NRXN1: variants seen among roughly 807,000 people sequenced by gnomAD.
NRXN1 encodes neurexin 1.
Under a neutral mutation model 150.9 loss-of-function variants are expected in NRXN1, and 39 were observed. The observed-to-expected ratio is 0.26, with a 90% confidence interval of 0.20 to 0.34. The LOEUF (loss-of-function observed/expected upper bound fraction) is 0.34, where lower values mean the gene tolerates loss of function less well. Among genes scored for constraint, NRXN1 ranks in the 10% least tolerant of loss-of-function variants. The probability of loss-of-function intolerance (pLI) is 1.00; values close to 1 mark genes in which losing one functional copy is unlikely to be tolerated. For missense variants in NRXN1, 1,815 were observed against 1,949.9 expected, an observed-to-expected ratio of 0.93 and a Z score of 1.30; for synonymous variants, 924 against 757.0, an observed-to-expected ratio of 1.22 and a Z score of -3.62.
chr2:50,044,712 T>C (rs1691536717), intron 21 of NRXN1, among the ~76,000 whole-genome samples: 1 of 152,200 alleles, frequency 6.6e-6, no homozygotes, highest in South Asian at 2.1e-4. Flanking sequence ...TCACTAGTAA[T>C]CTAAGGTGTG....
chr2:50,572,906 T>A (rs887805176), intron 8 of NRXN1, among the ~76,000 whole-genome samples: 1 of 152,204 alleles, frequency 6.6e-6, no homozygotes, highest in Admixed American at 6.5e-5. Flanking sequence ...ATTGTGTGAA[T>A]TTGAGCAAGT....
At chr2:50,813,351 C>T (rs1250693077) in intron 5 of NRXN1, among the ~76,000 whole-genome samples, 1 of 151,944 alleles carries the variant, frequency 6.6e-6, no homozygotes, top group Non-Finnish European at 1.5e-5. Flanking sequence ...AATTCTTTAT[C>T]TTTACTTTTG....
intron 11 of NRXN1, among the ~76,000 whole-genome samples, chr2:50,529,163 T>C (rs2093034906): frequency 6.6e-6 from 1 of 152,212 alleles, no homozygotes; most frequent in Non-Finnish European, 1.5e-5. Context: ...GGGTTTTTGT[T>C]TTGTTTTTAA....
At chr2:50,392,750 G>A (rs1458646647) in intron 17 of NRXN1, among the ~76,000 whole-genome samples, 5 of 152,170 alleles carry the variant, frequency 3.3e-5, no homozygotes, top group Middle Eastern at 3.4e-3. Flanking sequence ...ACGTAGTAGA[G>A]AAAAGTTTTC....
intron 17 of NRXN1, among the ~76,000 whole-genome samples, chr2:50,380,654 A>G (rs563503036): frequency 4.8e-4 from 73 of 152,256 alleles, no homozygotes; most frequent in African/African-American, 1.7e-3. Context: ...CAAAGAAGAC[A>G]GCACGTGCCC....
chr2:50,371,370 G>C (rs1453059072), intron 17 of NRXN1, among the ~76,000 whole-genome samples: 1 of 152,010 alleles, frequency 6.6e-6, no homozygotes, highest in Non-Finnish European at 1.5e-5. Flanking sequence ...TCAATGTTGA[G>C]AAAACCCTTG....
chr2:50,256,407 C>T (rs2067706736), intron 17 of NRXN1, among the ~76,000 whole-genome samples: 2 of 152,112 alleles, frequency 1.3e-5, no homozygotes, highest in African/African-American at 2.4e-5. Flanking sequence ...ATATATCAGA[C>T]ATTTAAAGAC....
chr2:50,834,456 AATAACT>A (rs1342229365), intron 5 of NRXN1, among the ~76,000 whole-genome samples: 1 of 152,202 alleles, frequency 6.6e-6, no homozygotes, highest in Non-Finnish European at 1.5e-5. Flanking sequence ...GGAGGAAAAC[AATAACT>A]ATAACAAAAT....
At chr2:50,919,155 G>A (rs1685634540) in intron 5 of NRXN1, 1 of 151,692 alleles carries the variant, frequency 6.6e-6, no homozygotes. Flanking sequence ...CACAGCAGTG[G>A]TCTCTAACAT....
At chr2:50,126,470 T>C (rs1157432730) in intron 18 of NRXN1, among the ~76,000 whole-genome samples, 1 of 151,380 alleles carries the variant, frequency 6.6e-6, no homozygotes, top group Non-Finnish European at 1.5e-5. Context: ...ATAACTGATA[T>C]AGTCATCATA....
At chr2:50,211,659 A>G (rs1481465876) in intron 18 of NRXN1, among the ~76,000 whole-genome samples, 1 of 151,508 alleles carries the variant, frequency 6.6e-6, no homozygotes, top group Non-Finnish European at 1.5e-5. Flanking sequence ...ACTAAATACT[A>G]AGGAAATATC....
At chr2:50,365,778 A>C (rs2079539982) in intron 17 of NRXN1, among the ~76,000 whole-genome samples, 1 of 152,072 alleles carries the variant, frequency 6.6e-6, no homozygotes, top group Non-Finnish European at 1.5e-5. Context: ...CTATATAGAC[A>C]GTAAGAACAA....
intron 17 of NRXN1, among the ~76,000 whole-genome samples, chr2:50,342,383 G>A (rs1213712245): frequency 6.6e-6 from 1 of 152,214 alleles, no homozygotes; most frequent in Non-Finnish European, 1.5e-5. Context: ...GTCTGTTTCA[G>A]CAGAACAGTC....
chr2:50,725,525 CA>C (rs1281388881), intron 5 of NRXN1, among the ~76,000 whole-genome samples: 1 of 152,118 alleles, frequency 6.6e-6, no homozygotes, highest in Non-Finnish European at 1.5e-5. Context: ...AAGAGATCCA[CA>C]AATCCTTTCC....
chr2:50,327,926 G>C (rs2076498140), intron 17 of NRXN1, among the ~76,000 whole-genome samples: 1 of 152,184 alleles, frequency 6.6e-6, no homozygotes, highest in Non-Finnish European at 1.5e-5. Flanking sequence ...TGGGATTACA[G>C]GTGTGAGCCA....
At chr2:49,936,325 C>T (rs1671020656) in intron 22 of NRXN1, among the ~76,000 whole-genome samples, 4 of 152,120 alleles carry the variant, frequency 2.6e-5, no homozygotes, top group Admixed American at 2.6e-4. Context: ...ATGCATAATG[C>T]CTTATGAGCG....
intron 21 of NRXN1, among the ~76,000 whole-genome samples, chr2:50,036,537 G>T (rs1279222383): frequency 6.6e-6 from 1 of 152,056 alleles, no homozygotes; most frequent in Non-Finnish European, 1.5e-5. Context: ...TTAGCTGTTT[G>T]TTTGACTTTT....
At chr2:50,429,575 TA>T (rs11355930) in intron 17 of NRXN1, among the ~76,000 whole-genome samples, 27,308 of 152,172 alleles carry the variant, frequency 0.18, 3,254 homozygotes, top group East Asian at 0.52. Flanking sequence ...CTCAAAATTT[TA>T]ATTTTGAAGA....
chr2:50,308,201 C>A (rs1575024198), intron 17 of NRXN1, among the ~76,000 whole-genome samples: 1 of 152,172 alleles, frequency 6.6e-6, no homozygotes, highest in Non-Finnish European at 1.5e-5. Context: ...TACATTAGAT[C>A]ACTAGACTTA....
Sources: allele counts gnomAD v4.1 joint callset (sites outside exome capture counted in the v4.1 genomes callset), GRCh38; gene constraint gnomAD v4.1.1; transcripts MANE v1.5; gene names NCBI Gene and HGNC (gene_info 2026-07-23, HGNC 2026-07-21).